Variants in PDE4D observed in about 807,000 individuals in gnomAD.
PDE4D encodes 3',5'-cyclic-AMP phosphodiesterase 4D.
In PDE4D, 24 loss-of-function variants were observed where a neutral mutation model predicts 87.4. That is an observed-to-expected ratio of 0.27 (90% CI 0.20 to 0.39). The LOEUF is 0.39. PDE4D is among the 10% of genes least tolerant of loss of function. The pLI, the probability that PDE4D is intolerant of heterozygous loss-of-function variation, is 1.00. For missense variants in PDE4D, 714 were observed against 1,041.0 expected, an observed-to-expected ratio of 0.69 and a Z score of 4.32; for synonymous variants, 384 against 383.2, an observed-to-expected ratio of 1.00 and a Z score of -0.02.
intron 1 of PDE4D, among the ~76,000 whole-genome samples, chr5:59,496,661 C>T (rs796270302): frequency 1.3e-5 from 2 of 152,146 alleles, no homozygotes; most frequent in African/African-American, 4.8e-5. Flanking sequence ...CCTCTTGGGT[C>T]AAAGGTTGGG....
chr5:60,290,485 T>C (rs1019683538), intron 1 of PDE4D, among the ~76,000 whole-genome samples: 12 of 152,134 alleles, frequency 7.9e-5, no homozygotes, highest in Admixed American at 7.2e-4. Context: ...AACTTATACA[T>C]TAATATGAAA....
At chr5:59,630,857 T>G (rs1272431068) in intron 1 of PDE4D, among the ~76,000 whole-genome samples, 2 of 152,206 alleles carry the variant, frequency 1.3e-5, no homozygotes, top group Non-Finnish European at 2.9e-5. Context: ...TTCATTGGTC[T>G]TGATCCTGCT....
At chr5:60,485,545 T>C (rs1435235494) in intron 1 of PDE4D, among the ~76,000 whole-genome samples, 3 of 152,246 alleles carry the variant, frequency 2.0e-5, no homozygotes, top group Non-Finnish European at 2.9e-5. Flanking sequence ...CATGATGTGA[T>C]ACATTCCTTT....
chr5:59,717,240 G>A (rs1416158060), intron 1 of PDE4D, among the ~76,000 whole-genome samples: 2 of 152,166 alleles, frequency 1.3e-5, no homozygotes, highest in African/African-American at 4.8e-5. Flanking sequence ...TCAGGCATCT[G>A]CAGGGCCTTG....
chr5:59,689,806 G>A (rs1750592564), intron 1 of PDE4D, among the ~76,000 whole-genome samples: 1 of 152,180 alleles, frequency 6.6e-6, no homozygotes. Context: ...TGACATGATT[G>A]TATATTTAGA....
chr5:60,492,187 G>A (rs543351811), upstream of PDE4D, among the ~76,000 whole-genome samples: 15 of 149,472 alleles, frequency 1.0e-4, no homozygotes, highest in African/African-American at 3.7e-4. Context: ...AGTAATCCCA[G>A]CCCTTTAGAA....
intron 3 of PDE4D, among the ~76,000 whole-genome samples, chr5:59,941,267 T>A (rs1191720867): frequency 1.3e-5 from 2 of 152,222 alleles, no homozygotes; most frequent in Non-Finnish European, 2.9e-5. Flanking sequence ...CACTCTTTCC[T>A]TAACCACATT....
chr5:59,459,385 C>G (rs533910096), intron 1 of PDE4D, among the ~76,000 whole-genome samples: 75 of 152,250 alleles, frequency 4.9e-4, no homozygotes, highest in African/African-American at 1.8e-3. Context: ...CAGTGCTTAC[C>G]TGTTTCACAT....
intron 2 of PDE4D, among the ~76,000 whole-genome samples, chr5:60,182,423 A>T (rs1784440757): frequency 6.6e-6 from 1 of 152,232 alleles, no homozygotes; most frequent in Admixed American, 6.5e-5. Flanking sequence ...AGAATATCAA[A>T]TTCACCTGAG....
intron 1 of PDE4D, among the ~76,000 whole-genome samples, chr5:60,425,470 G>A (rs1421872420): frequency 6.6e-6 from 1 of 152,128 alleles, no homozygotes; most frequent in Admixed American, 6.5e-5. Flanking sequence ...TGGGAAAACT[G>A]GCTAGCCATA....
At chr5:60,081,249 T>C (rs1042483053) in intron 2 of PDE4D, among the ~76,000 whole-genome samples, 1 of 152,118 alleles carries the variant, frequency 6.6e-6, no homozygotes, top group African/African-American at 2.4e-5. Flanking sequence ...TCATTTTTTA[T>C]TGCATCTATT....
intron 1 of PDE4D, among the ~76,000 whole-genome samples, chr5:60,518,051 G>T (rs186589311): frequency 1.3e-5 from 2 of 152,192 alleles, no homozygotes; most frequent in African/African-American, 2.4e-5. Context: ...CCACATTCCC[G>T]GGTGCCAGCA....
chr5:60,187,562 A>G lies in PDE4D; in HGVS notation c.-89-1875T>C, dbSNP rs189937453. 2.1e-3 allele frequency among the ~76,000 whole-genome samples: 327 copies of G among 152,358 alleles called. 4 individuals carry two copies. The Middle Eastern group carries it at 0.024, about 11-fold the overall frequency. ...GACTCAATGGTAACAAATCAGTCAA[A>G]TCAGACAAATAATGGATTTGACCTG... On this transcript the variant is annotated intron_variant, in intron 1 of 16. Coordinates refer to the PDE4D transcript ENST00000502484.
At chr5:59,031,036 T>C (rs1171868842) in intron 6 of PDE4D, among the ~76,000 whole-genome samples, 1 of 151,944 alleles carries the variant, frequency 6.6e-6, no homozygotes, top group Non-Finnish European at 1.5e-5. Context: ...TATGTGTTGC[T>C]CTCCACCATG....
At chr5:59,011,601 G>A (rs966905055) in intron 6 of PDE4D, among the ~76,000 whole-genome samples, 1 of 152,084 alleles carries the variant, frequency 6.6e-6, no homozygotes, top group Non-Finnish European at 1.5e-5. Context: ...GAGAAGTTTA[G>A]AGAAAAAAGA....
intron 1 of PDE4D, among the ~76,000 whole-genome samples, chr5:59,570,519 G>A (rs560416617): frequency 1.3e-5 from 2 of 152,106 alleles, no homozygotes; most frequent in South Asian, 4.1e-4. Flanking sequence ...GCAGATGAGA[G>A]ATTTCCTTGA....
At chr5:59,043,133 A>G (rs1759971543) in intron 5 of PDE4D, among the ~76,000 whole-genome samples, 1 of 152,206 alleles carries the variant, frequency 6.6e-6, no homozygotes, top group Non-Finnish European at 1.5e-5. Context: ...TAATTCCTAG[A>G]TAGACCTATT....
chr5:59,667,245 G>A (rs926013772), intron 1 of PDE4D, among the ~76,000 whole-genome samples: 1 of 151,892 alleles, frequency 6.6e-6, no homozygotes, highest in Non-Finnish European at 1.5e-5. Context: ...TTTTGGGGGG[G>A]AGGTTCTGAA....
chr5:59,956,934 T>C (rs1160199244), intron 3 of PDE4D, among the ~76,000 whole-genome samples: 1 of 152,202 alleles, frequency 6.6e-6, no homozygotes, highest in Non-Finnish European at 1.5e-5. Flanking sequence ...ATGTTCTAAA[T>C]TCTTATTCTG....
Sources: allele counts gnomAD v4.1 joint callset (sites outside exome capture counted in the v4.1 genomes callset), GRCh38; gene constraint gnomAD v4.1.1; transcripts MANE v1.5; gene names NCBI Gene and HGNC (gene_info 2026-07-23, HGNC 2026-07-21).